Variants in GUCY1A2 observed in about 807,000 individuals in gnomAD.
The protein encoded by GUCY1A2 is guanylate cyclase soluble subunit alpha-2.
Under a neutral mutation model 63.5 loss-of-function variants are expected in GUCY1A2, and 27 were observed. That is an observed-to-expected ratio of 0.43 (90% CI 0.31 to 0.59). GUCY1A2 has a LOEUF of 0.59. GUCY1A2 is among the 20% of genes least tolerant of loss of function. GUCY1A2 has a pLI of 0.11. For synonymous variants in GUCY1A2, 364 were observed against 343.5 expected, an observed-to-expected ratio of 1.06 and a Z score of -0.66; for missense variants, 768 against 913.3, an observed-to-expected ratio of 0.84 and a Z score of 2.05.
At chr11:106,873,555 C>T (rs969952590) in intron 4 of GUCY1A2, among the ~76,000 whole-genome samples, 4 of 152,070 alleles carry the variant, frequency 2.6e-5, no homozygotes, top group Middle Eastern at 3.2e-3. Flanking sequence ...TTCTTGGCCA[C>T]GTACATGTCT....
chr11:106,725,285 G>T (rs1863387647), intron 6 of GUCY1A2, among the ~76,000 whole-genome samples: 1 of 94,606 alleles, frequency 1.1e-5, no homozygotes, highest in African/African-American at 4.1e-5. Flanking sequence ...CCATTCTCCT[G>T]CCTCAGCCTC....
intron 7 of GUCY1A2, among the ~76,000 whole-genome samples, chr11:106,693,852 TA>T (rs1340956645): frequency 6.6e-6 from 1 of 152,050 alleles, no homozygotes; most frequent in Admixed American, 6.6e-5. Context: ...CATCTTTTTA[TA>T]GTTTTCTTTA....
rs76673758 is a variant in GUCY1A2 at position 106,834,279 on chromosome 11, G to A, written c.1207-23801C>T. 5.9e-3 allele frequency among the ~76,000 whole-genome samples: 895 copies of A among 152,044 alleles called. 13 individuals are homozygous for A. The highest frequency in any genetic ancestry group is 0.02 in the African/African-American group (819 of 41,522). On this transcript the variant is annotated intron_variant, in intron 4 of 7. Coordinates refer to ENST00000526355, the MANE Select transcript of GUCY1A2 (RefSeq NM_000855.3). ...GCTTCTATGTATTAGCCTTTTTGCA[G>A]TTTCCACATATAAATGAGATCATGC...
intron 4 of GUCY1A2, among the ~76,000 whole-genome samples, chr11:106,877,901 A>T (rs970325791): frequency 6.6e-6 from 1 of 152,150 alleles, no homozygotes; most frequent in South Asian, 2.1e-4. Flanking sequence ...AACATGCAGC[A>T]TCTATAACAA....
intron 4 of GUCY1A2, among the ~76,000 whole-genome samples, chr11:106,862,393 C>T (rs7941729): frequency 0.51 from 77,932 of 151,508 alleles, 20,602 homozygotes; most frequent in Admixed American, 0.6. Context: ...TAGCTGATAT[C>T]ATCATCATCA....
At chr11:106,728,788 G>A (rs1205387292) in intron 6 of GUCY1A2, among the ~76,000 whole-genome samples, 1 of 152,130 alleles carries the variant, frequency 6.6e-6, no homozygotes, top group Admixed American at 6.5e-5. Flanking sequence ...CACTCTGAGA[G>A]GAGGGACTAT....
chr11:106,681,727 A>G lies in GUCY1A2; in HGVS notation c.*5822T>C, dbSNP rs1174181637. ...AGCTATATTATTGCTTGTATAAAAC[A>G]TGTTTCTGTTTTCACAAAGGCTCTA... On this transcript the variant is annotated 3_prime_UTR_variant, in exon 8 of 8. Transcript: ENST00000526355. The G allele has an allele frequency of 9.1e-6, 2 of 219,826 alleles. No homozygotes were observed. Among genetic ancestry groups the G allele is most frequent in the African/African-American group, 4.5e-5 (2 of 44,582 alleles). The allele number at this position is 219,826 out of a possible 1,614,324, so 13.6% of individuals were successfully genotyped here.
At chr11:106,910,236 A>C (rs1365750053) in intron 4 of GUCY1A2, among the ~76,000 whole-genome samples, 2 of 152,026 alleles carry the variant, frequency 1.3e-5, no homozygotes, top group Admixed American at 6.6e-5. Flanking sequence ...TCAAAATATT[A>C]GTTTTAAATA....
chr11:106,688,602 T>G (rs1286306081), intron 7 of GUCY1A2, among the ~76,000 whole-genome samples: 1 of 151,936 alleles, frequency 6.6e-6, no homozygotes, highest in Non-Finnish European at 1.5e-5. Context: ...TGTCAACAGA[T>G]ATAGAAACAG....
chr11:106,755,442 G>C (rs1168501370), intron 6 of GUCY1A2, among the ~76,000 whole-genome samples: 1 of 152,024 alleles, frequency 6.6e-6, no homozygotes, highest in Non-Finnish European at 1.5e-5. Context: ...TGATGTTAGG[G>C]TGTCGATTTT....
At chr11:106,995,640 A>T (rs979638829) in intron 1 of GUCY1A2, among the ~76,000 whole-genome samples, 1 of 152,230 alleles carries the variant, frequency 6.6e-6, no homozygotes, top group African/African-American at 2.4e-5. Flanking sequence ...ATAAAACTAT[A>T]AAGTATTACA....
intron 3 of GUCY1A2, among the ~76,000 whole-genome samples, chr11:106,965,054 A>C: frequency 6.6e-6 from 1 of 152,080 alleles, no homozygotes; most frequent in East Asian, 1.9e-4. Flanking sequence ...AGCAGTATAT[A>C]CTAATACATA....
At chr11:106,719,920 G>C (rs1863284578) in intron 6 of GUCY1A2, among the ~76,000 whole-genome samples, 3 of 152,118 alleles carry the variant, frequency 2.0e-5, no homozygotes, top group African/African-American at 7.2e-5. Context: ...GTTTGCCCAG[G>C]AAATCATTTT....
In GUCY1A2 at chr11:106,984,196, C is replaced by CA. The variant is rs567382660; in HGVS notation, c.365+1873dup. ...ATAAAGTCAGTGAGCAAAGGTACTTCAAGTCCAAGAAATCAGCCAACACCC... is the reference window on the plus strand; with the variant it reads ...ATAAAGTCAGTGAGCAAAGGTACTTCAAAGTCCAAGAAATCAGCCAACACCC... On this transcript the variant is annotated intron_variant, in intron 2 of 7. Transcript: ENST00000526355. Among the ~76,000 whole-genome samples, 26 of 152,308 alleles carry CA rather than the reference C, an allele frequency of 1.7e-4. 1 individual carries two copies. The highest frequency in any genetic ancestry group is 1.1e-3 in the Admixed American group (17 of 15,302).
At chr11:106,930,448 C>A (rs1166697610) in intron 4 of GUCY1A2, among the ~76,000 whole-genome samples, 1 of 152,194 alleles carries the variant, frequency 6.6e-6, no homozygotes, top group African/African-American at 2.4e-5. Flanking sequence ...AGACTGTATT[C>A]TTAATCATAC....
chr11:106,942,377 G>C (rs1375841627), intron 3 of GUCY1A2, among the ~76,000 whole-genome samples: 1 of 152,004 alleles, frequency 6.6e-6, no homozygotes, highest in Non-Finnish European at 1.5e-5. Flanking sequence ...CCATCACTAT[G>C]TTATAACTAG....
chr11:106,918,862 C>A (rs1860402755), intron 4 of GUCY1A2, among the ~76,000 whole-genome samples: 1 of 152,054 alleles, frequency 6.6e-6, no homozygotes, highest in Non-Finnish European at 1.5e-5. Context: ...CCAATAAAAT[C>A]TTGATTTATC....
intron 4 of GUCY1A2, among the ~76,000 whole-genome samples, chr11:106,836,497 A>T (rs888633844): frequency 2.0e-5 from 3 of 152,014 alleles, no homozygotes; most frequent in African/African-American, 7.2e-5. Flanking sequence ...AGTACGTATA[A>T]AGTATTTCAA....
intron 6 of GUCY1A2, among the ~76,000 whole-genome samples, chr11:106,754,777 T>G (rs11211895): frequency 0.19 from 28,392 of 152,174 alleles, 3,750 homozygotes; most frequent in African/African-American, 0.38. Context: ...TTGAGGATTT[T>G]CACATCAATG....
Sources: gnomAD v4.1 joint callset for allele counts (sites outside exome capture counted in the v4.1 genomes callset) on GRCh38, gnomAD v4.1.1 for gene constraint, MANE v1.5 for transcripts, NCBI Gene and HGNC (gene_info 2026-07-23, HGNC 2026-07-21) for gene names.